Variants in PRKG1 observed in about 807,000 individuals in gnomAD.
The protein encoded by PRKG1 is cGMP-dependent protein kinase 1.
In PRKG1, 35 loss-of-function variants were observed where a neutral mutation model predicts 88.1. That is an observed-to-expected ratio of 0.40 (90% CI 0.30 to 0.53). The LOEUF (loss-of-function observed/expected upper bound fraction) is 0.53, where lower values mean the gene tolerates loss of function less well. PRKG1 is among the 20% of genes least tolerant of loss of function. The pLI is 0.59. For synonymous variants in PRKG1, 303 were observed against 292.5 expected (o/e 1.04, Z -0.37); for missense variants, 540 against 839.8 (o/e 0.64, Z 4.41).
At chr10:52,023,759 GGTT>G (rs1434808822) in intron 5 of PRKG1, among the ~76,000 whole-genome samples, 1 of 151,990 alleles carries the variant, frequency 6.6e-6, no homozygotes, top group Non-Finnish European at 1.5e-5. Context: ...TTTTTGATGG[GGTT>G]GTTTTTTCCT....
chr10:52,077,737 A>G (rs898245875), intron 7 of PRKG1, among the ~76,000 whole-genome samples: 1 of 152,108 alleles, frequency 6.6e-6, no homozygotes, highest in Non-Finnish European at 1.5e-5. Context: ...TTTTAATAAC[A>G]TTTTAGTTCT....
chr10:51,204,156 T>G (rs183877828), intron 2 of PRKG1, among the ~76,000 whole-genome samples: 1 of 152,358 alleles, frequency 6.6e-6, no homozygotes, highest in Admixed American at 6.5e-5. Flanking sequence ...GTATTATTTC[T>G]GATGGGCCTC....
chr10:52,142,844 T>G (rs1837620538), intron 8 of PRKG1, among the ~76,000 whole-genome samples: 1 of 152,176 alleles, frequency 6.6e-6, no homozygotes, highest in South Asian at 2.1e-4. Context: ...CAACACTCGT[T>G]TATCTGTATT....
At position 51,700,034 on chromosome 10, in the gene PRKG1, T is replaced by C. The variant is rs147958754; in HGVS notation, c.593-104551T>C. 3.5e-3 allele frequency among the ~76,000 whole-genome samples: 528 copies of C among 152,370 alleles called. 3 individuals carry two copies. Among genetic ancestry groups the C allele is most frequent in the African/African-American group, 0.011 (477 of 41,590 alleles). ...AGTATTTTCATGTGGCCTTTTATTA[T>C]AGTATAGTTAAGCTAGATTTAAAAT... On this transcript the variant is annotated intron_variant, in intron 3 of 17. Coordinates refer to ENST00000373980, the MANE Select transcript of PRKG1 (RefSeq NM_006258.4).
intron 3 of PRKG1, among the ~76,000 whole-genome samples, chr10:51,703,039 T>G (rs1406251546): frequency 1.3e-5 from 2 of 152,188 alleles, no homozygotes; most frequent in African/African-American, 4.8e-5. Context: ...CTTTGGGCCT[T>G]CATTTATAAG....
chr10:52,138,453 G>A (rs555829752), intron 8 of PRKG1, among the ~76,000 whole-genome samples: 1 of 152,202 alleles, frequency 6.6e-6, no homozygotes, highest in Admixed American at 6.6e-5. Context: ...GAACTTTTCT[G>A]TTTGTCATGG....
chr10:52,208,149 C>T (rs369519320), intron 9 of PRKG1, among the ~76,000 whole-genome samples: 3 of 152,162 alleles, frequency 2.0e-5, no homozygotes, highest in Admixed American at 1.3e-4. Context: ...AGCACACTGT[C>T]TTGTGACCAT....
At chr10:51,902,712 C>G (rs1842006002) in intron 4 of PRKG1, among the ~76,000 whole-genome samples, 1 of 152,046 alleles carries the variant, frequency 6.6e-6, no homozygotes, top group Non-Finnish European at 1.5e-5. Flanking sequence ...AAACAGCACA[C>G]CTATCATAAA....
At chr10:51,888,337 CA>C (rs1554852588) in intron 4 of PRKG1, among the ~76,000 whole-genome samples, 5 of 152,190 alleles carry the variant, frequency 3.3e-5, no homozygotes, top group Non-Finnish European at 5.9e-5. Flanking sequence ...CTCTTAAGAA[CA>C]AGGTTATTTT....
intron 4 of PRKG1, among the ~76,000 whole-genome samples, chr10:51,899,060 G>T (rs551016449): frequency 1.3e-5 from 2 of 152,122 alleles, no homozygotes; most frequent in South Asian, 4.1e-4. Flanking sequence ...ATTCACAATT[G>T]TAAGAAGTTT....
chr10:51,619,029 G>C (rs917932956), intron 3 of PRKG1, among the ~76,000 whole-genome samples: 1 of 150,132 alleles, frequency 6.7e-6, no homozygotes, highest in East Asian at 2.0e-4. Context: ...CACCTGCCTC[G>C]GCCTCCCAAA....
At chr10:51,809,846 C>T (rs1257180790) in intron 4 of PRKG1, among the ~76,000 whole-genome samples, 1 of 152,094 alleles carries the variant, frequency 6.6e-6, no homozygotes, top group Non-Finnish European at 1.5e-5. Flanking sequence ...CATTGTCTTC[C>T]AAGCACTGCC....
chr10:51,048,355 T>A (rs1321244913), intron 1 of PRKG1, among the ~76,000 whole-genome samples: 3 of 152,146 alleles, frequency 2.0e-5, no homozygotes, highest in African/African-American at 7.2e-5. Context: ...TTGTATAGTA[T>A]TTTAACACCA....
chr10:51,765,181 A>T (rs1161392722), intron 3 of PRKG1, among the ~76,000 whole-genome samples: 1 of 152,210 alleles, frequency 6.6e-6, no homozygotes, highest in African/African-American at 2.4e-5. Context: ...TTTAGAGGGT[A>T]TACCTTAATC....
rs975191777 is a variant in PRKG1, at chr10:51,336,384, T to A, written c.479-131339T>A. Among the ~76,000 whole-genome samples, 3 of 150,410 alleles carry A rather than the reference T, an allele frequency of 2.0e-5. No homozygotes were observed. The South Asian group carries it at 6.3e-4, about 31-fold the overall frequency. On this transcript the variant is annotated intron_variant, in intron 2 of 17. Transcript: ENST00000373980. ...TAAATAAATAAATAAATAAATAAAA[T>A]AGCATAATTGAATTTAAAAGTACAT...
intron 5 of PRKG1, among the ~76,000 whole-genome samples, chr10:51,913,567 T>C (rs1842272428): frequency 6.6e-6 from 1 of 152,224 alleles, no homozygotes; most frequent in Non-Finnish European, 1.5e-5. Flanking sequence ...GAGTTTTCTC[T>C]AGTCTCTTTG....
At chr10:51,853,494 A>G (rs1840607706) in intron 4 of PRKG1, among the ~76,000 whole-genome samples, 1 of 152,146 alleles carries the variant, frequency 6.6e-6, no homozygotes, top group Non-Finnish European at 1.5e-5. Flanking sequence ...CACGTGGAGG[A>G]GTATATTTTA....
At chr10:51,622,656 C>G (rs1339185492) in intron 3 of PRKG1, among the ~76,000 whole-genome samples, 1 of 152,186 alleles carries the variant, frequency 6.6e-6, no homozygotes, top group African/African-American at 2.4e-5. Flanking sequence ...TGCCAGAGCT[C>G]AAGTTAAGGC....
chr10:50,996,323 G>A (rs1296416605), intron 1 of PRKG1, among the ~76,000 whole-genome samples: 2 of 152,144 alleles, frequency 1.3e-5, no homozygotes, highest in East Asian at 1.9e-4. Context: ...CCTAAATCTC[G>A]AAGAGTTTAG....
Sources: allele counts gnomAD v4.1 joint callset (sites outside exome capture counted in the v4.1 genomes callset), GRCh38; gene constraint gnomAD v4.1.1; transcripts MANE v1.5; gene names NCBI Gene and HGNC (gene_info 2026-07-23, HGNC 2026-07-21).